The following CCSER1 variants were observed in gnomAD, a reference collection of about 807,000 sequenced individuals.
CCSER1 encodes the protein coiled-coil serine rich protein 1, also known as serine-rich coiled-coil domain-containing protein 1.
A neutral mutation model predicts 82.0 loss-of-function variants in CCSER1; 41 were observed. The observed-to-expected ratio is 0.50, with a 90% CI of 0.39 to 0.65. The LOEUF is 0.65. Among genes scored for constraint, CCSER1 ranks in the 30% least tolerant of loss-of-function variants. The probability of loss-of-function intolerance (pLI) is 0.00; values close to 1 mark genes in which losing one functional copy is unlikely to be tolerated. For missense variants in CCSER1, 1,119 were observed against 1,064.2 expected (o/e 1.05, Z -0.72); for synonymous variants, 414 against 383.9 (o/e 1.08, Z -0.92).
chr4:90,153,951 C>A (rs982174772), intron 1 of CCSER1, among the ~76,000 whole-genome samples: 59 of 152,222 alleles, frequency 3.9e-4, no homozygotes, highest in African/African-American at 1.4e-3. Flanking sequence ...AAGTCCTTGC[C>A]CATGCCTCTG....
At chr4:90,408,254 A>G (rs1424844383) in intron 4 of CCSER1, among the ~76,000 whole-genome samples, 1 of 152,216 alleles carries the variant, frequency 6.6e-6, no homozygotes, top group East Asian at 1.9e-4. Context: ...GCAGACTTAA[A>G]TGTCCTTGTC....
chr4:90,783,940 A>G (rs2149625177), intron 7 of CCSER1, among the ~76,000 whole-genome samples: 1 of 152,294 alleles, frequency 6.6e-6, no homozygotes, highest in East Asian at 1.9e-4. Context: ...ATTATAGCTG[A>G]GAGAGCTGGA....
At chr4:90,209,271 G>A (rs1296925405) in intron 1 of CCSER1, among the ~76,000 whole-genome samples, 8 of 152,164 alleles carry the variant, frequency 5.3e-5, no homozygotes, top group Non-Finnish European at 7.4e-5. Context: ...CCCAAGTGAG[G>A]GGCACCCCTA....
chr4:90,813,014 G>A (rs901063840), intron 7 of CCSER1, among the ~76,000 whole-genome samples: 4 of 152,098 alleles, frequency 2.6e-5, no homozygotes, highest in Non-Finnish European at 4.4e-5. Flanking sequence ...TCACATTCTT[G>A]TCACATTTGA....
intron 8 of CCSER1, among the ~76,000 whole-genome samples, chr4:90,842,008 C>T (rs13121860): frequency 0.086 from 12,857 of 149,052 alleles, 557 homozygotes; most frequent in South Asian, 0.097. Flanking sequence ...TGCATATTGA[C>T]GTATTTACTG....
intron 10 of CCSER1, among the ~76,000 whole-genome samples, chr4:91,386,864 C>T (rs1217290034): frequency 6.6e-6 from 1 of 151,506 alleles, no homozygotes; most frequent in Non-Finnish European, 1.5e-5. Context: ...ATTAAGGAAA[C>T]AAAAAAGATG....
At chr4:91,553,734 T>A (rs1762270101) in intron 10 of CCSER1, among the ~76,000 whole-genome samples, 1 of 151,230 alleles carries the variant, frequency 6.6e-6, no homozygotes, top group Admixed American at 6.6e-5. Flanking sequence ...AGCCTCATAA[T>A]CTTTCTAATT....
intron 10 of CCSER1, among the ~76,000 whole-genome samples, chr4:91,533,032 C>A (rs1486560898): frequency 6.6e-6 from 1 of 152,070 alleles, no homozygotes; most frequent in East Asian, 1.9e-4. Flanking sequence ...GCATTGTTAT[C>A]TACCTATTAC....
chr4:90,353,045 A>G (rs968530021), intron 3 of CCSER1, among the ~76,000 whole-genome samples: 1 of 152,218 alleles, frequency 6.6e-6, no homozygotes, highest in Admixed American at 6.5e-5. Flanking sequence ...GGAAGATGTT[A>G]TGAAAAAACA....
intron 8 of CCSER1, among the ~76,000 whole-genome samples, chr4:90,901,756 C>CT: frequency 6.6e-6 from 1 of 152,014 alleles, no homozygotes; most frequent in Non-Finnish European, 1.5e-5. Flanking sequence ...AATCTCATGA[C>CT]TATGTGCTTT....
intron 10 of CCSER1, among the ~76,000 whole-genome samples, chr4:91,300,653 A>G (rs1188868196): frequency 6.6e-6 from 1 of 151,878 alleles, no homozygotes; most frequent in African/African-American, 2.4e-5. Context: ...GAAAGGTGAT[A>G]TTTTTAGGAT....
At chr4:91,389,281 G>GT (rs1055604659) in intron 10 of CCSER1, among the ~76,000 whole-genome samples, 2 of 151,648 alleles carry the variant, frequency 1.3e-5, no homozygotes, top group Non-Finnish European at 1.5e-5. Context: ...TTTTTGTTTT[G>GT]TTTTTTGCAT....
chr4:91,312,586 A>C (rs1404332549), intron 10 of CCSER1, among the ~76,000 whole-genome samples: 1 of 151,900 alleles, frequency 6.6e-6, no homozygotes, highest in Non-Finnish European at 1.5e-5. Flanking sequence ...GCCCTCAAGA[A>C]AAAAAGGCAT....
In CCSER1 at chr4:91,599,510, A is replaced by G. The variant is rs968147460; in HGVS notation, c.*453A>G. The G allele has an allele frequency of 6.6e-6, 1 of 152,208 alleles. No homozygotes were observed. Among genetic ancestry groups the G allele is most frequent in the Non-Finnish European group, 1.5e-5 (1 of 68,104 alleles). 9.4% of individuals were successfully genotyped at this position (152,208 alleles called of 1,614,324 possible). Reference sequence around the variant, plus strand: ...AATTATATAATTAATAGAAGGAGGAAAAAAGAGAAATGTTAACGTCTTATA... The same window carrying G: ...AATTATATAATTAATAGAAGGAGGAGAAAAGAGAAATGTTAACGTCTTATA... On this transcript the variant is annotated 3_prime_UTR_variant, in exon 11 of 11. Transcript: ENST00000509176.
rs1453260785 is a variant in CCSER1 at position 90,579,608 on chromosome 4, T to C, written c.1725-48417T>C. On this transcript the variant is annotated intron_variant, in intron 5 of 10. Coordinates refer to ENST00000509176, the MANE Select transcript of CCSER1 (RefSeq NM_001145065.2). ...CATACCTCCTTGCACTCATGGACTG[T>C]AGCTATTTTCAAAAGCAATATAATC... Among the ~76,000 whole-genome samples, 5 of 152,310 alleles carry C rather than the reference T, an allele frequency of 3.3e-5. No individual in the cohort carries two copies. In the East Asian group the frequency reaches 9.6e-4, roughly 29 times the overall value.
chr4:90,436,013 G>A (rs1560514154), intron 4 of CCSER1, among the ~76,000 whole-genome samples: 1 of 151,800 alleles, frequency 6.6e-6, no homozygotes, highest in African/African-American at 2.4e-5. Context: ...TTCCCAACTT[G>A]TTTAAGTCAA....
At chr4:90,674,135 G>C (rs868184157) in intron 6 of CCSER1, among the ~76,000 whole-genome samples, 5 of 152,096 alleles carry the variant, frequency 3.3e-5, no homozygotes, top group Middle Eastern at 3.4e-3. Context: ...TGTTTTAAAG[G>C]AGGAGAAAGT....
At chr4:90,426,589 C>T (rs540965849) in intron 4 of CCSER1, among the ~76,000 whole-genome samples, 8 of 152,018 alleles carry the variant, frequency 5.3e-5, no homozygotes, top group South Asian at 2.1e-4. Flanking sequence ...CTTTAAAAGC[C>T]GAGATTTCTT....
intron 1 of CCSER1, among the ~76,000 whole-genome samples, chr4:90,252,890 A>G (rs1409969461): frequency 2.0e-5 from 3 of 151,654 alleles, no homozygotes; most frequent in African/African-American, 7.3e-5. Flanking sequence ...CATTCCTGTC[A>G]TTTTTATTTT....
Sources: allele counts gnomAD v4.1 joint callset (sites outside exome capture counted in the v4.1 genomes callset), GRCh38; gene constraint gnomAD v4.1.1; transcripts MANE v1.5; gene names NCBI Gene and HGNC (gene_info 2026-07-23, HGNC 2026-07-21).